The following TEX10 variants were observed in gnomAD, a reference collection of about 807,000 sequenced individuals.
The protein encoded by TEX10 is testis expressed 10, also known as testis-expressed protein 10.
A neutral mutation model predicts 104.4 loss-of-function variants in TEX10; 24 were observed. The ratio of observed to expected loss-of-function variants is 0.23; its 90% CI spans 0.17 to 0.32. The LOEUF (loss-of-function observed/expected upper bound fraction) is 0.32. Ranked by LOEUF, TEX10 falls within the 10% of genes least tolerant of loss-of-function variation. The probability of loss-of-function intolerance (pLI) is 1.00; values close to 1 mark genes in which losing one functional copy is unlikely to be tolerated. For missense variants in TEX10, 921 were observed against 1,083.9 expected (o/e 0.85, Z 2.11); for synonymous variants, 396 against 393.4 (o/e 1.01, Z -0.08).
intron 4 of TEX10, among the ~76,000 whole-genome samples, chr9:100,341,633 G>A (rs1252962331): frequency 6.6e-6 from 1 of 151,880 alleles, no homozygotes; most frequent in Admixed American, 6.6e-5. Context: ...TCTTTTACTT[G>A]GATTACTGCA....
chr9:100,327,777 G>A lies in TEX10; in HGVS notation c.1801+10C>T. On this transcript the variant is annotated intron_variant, in intron 8 of 14. Transcript: ENST00000374902. Reference sequence around the variant, plus strand: ...TGACTACCCATACCATTAAACAAATGAACTCTTACCATAAATTCGGAGGGC... The same window carrying A: ...TGACTACCCATACCATTAAACAAATAAACTCTTACCATAAATTCGGAGGGC... 1 of 1,552,590 alleles carries A rather than the reference G, an allele frequency of 6.4e-7. No individual in the cohort carries two copies. The highest frequency in any genetic ancestry group is 1.2e-5 in the South Asian group (1 of 80,390).
At chr9:100,309,074 G>C (rs1393797587) in intron 12 of TEX10, among the ~76,000 whole-genome samples, 1 of 152,160 alleles carries the variant, frequency 6.6e-6, no homozygotes, top group Non-Finnish European at 1.5e-5. Context: ...TGGAAAACTT[G>C]CATGTGGCAC....
At chr9:100,339,760 A>C (rs1350114202) in intron 5 of TEX10, among the ~76,000 whole-genome samples, 2 of 152,084 alleles carry the variant, frequency 1.3e-5, no homozygotes, top group African/African-American at 2.4e-5. Flanking sequence ...CATTTTAAAT[A>C]ATTTCTAGGC....
chr9:100,310,237 A>G (rs1043808801), intron 12 of TEX10, 62 bp downstream of exon 12: 1 of 1,361,316 alleles, frequency 7.3e-7, no homozygotes, highest in African/African-American at 1.4e-5. Context: ...GCTGTGGAAA[A>G]CTCTATTCTA....
chr9:100,310,899 C>T (rs2118836838), intron 11 of TEX10, among the ~76,000 whole-genome samples: 1 of 152,160 alleles, frequency 6.6e-6, no homozygotes, highest in Admixed American at 6.5e-5. Context: ...TTGAGCTAGC[C>T]CCTATTAGAT....
chr9:100,342,069 C>T (rs1835187363), intron 4 of TEX10, among the ~76,000 whole-genome samples: 1 of 152,316 alleles, frequency 6.6e-6, no homozygotes, highest in Admixed American at 6.5e-5. Context: ...ACCTCATTTG[C>T]ACAGGCCTTC....
intron 1 of TEX10, among the ~76,000 whole-genome samples, chr9:100,351,798 CG>C (rs1355832376): frequency 2.0e-5 from 3 of 152,314 alleles, no homozygotes; most frequent in Middle Eastern, 3.4e-3. Flanking sequence ...CATTTTCATG[CG>C]AAGAACTCTC....
intron 5 of TEX10, among the ~76,000 whole-genome samples, chr9:100,333,739 T>C (rs550935999): frequency 6.7e-6 from 1 of 149,410 alleles, no homozygotes; most frequent in South Asian, 2.1e-4. Flanking sequence ...AAAGCTACAA[T>C]AAGCAAGATA....
intron 5 of TEX10, among the ~76,000 whole-genome samples, chr9:100,332,310 T>C (rs1834883257): frequency 6.6e-6 from 1 of 152,202 alleles, no homozygotes; most frequent in Admixed American, 6.5e-5. Flanking sequence ...AGGTAGAGCT[T>C]TGGAAAATTT....
chr9:100,322,738 C>T (rs1834600670), intron 9 of TEX10, among the ~76,000 whole-genome samples: 2 of 152,074 alleles, frequency 1.3e-5, no homozygotes, highest in African/African-American at 4.8e-5. Context: ...GCTTCAGCCT[C>T]CTGAGTAGCT....
chr9:100,321,785 A>T lies in TEX10; in HGVS notation c.1980-14T>A, dbSNP rs1464084262. 2 of 1,600,722 alleles carry T rather than the reference A, an allele frequency of 1.2e-6. No homozygotes were observed. ...GAAAATGATGATCTATAAAAAACAA[A>T]GGGAGAACTATTACCAGAAGTGACC... On this transcript the variant is annotated splice_polypyrimidine_tract_variant and intron_variant, in intron 9 of 14. Coordinates refer to ENST00000374902, the MANE Select transcript of TEX10 (RefSeq NM_017746.4).
chr9:100,326,881 A>C (rs1834718537), intron 8 of TEX10, among the ~76,000 whole-genome samples: 1 of 152,176 alleles, frequency 6.6e-6, no homozygotes, highest in Non-Finnish European at 1.5e-5. Context: ...TATGACCAAT[A>C]TTGAAAAATA....
In TEX10 at chr9:100,327,901, C is replaced by A; in HGVS notation, c.1687G>T (p.Gly563Cys). Residue 563 changes from glycine (G) to cysteine (C), a missense_variant, in exon 8 of 15, where the codon GGC (glycine) becomes TGC (cysteine). This residue lies in a region of TEX10 where 753 missense variants were observed against 868.4 expected (regional missense o/e 0.87). Transcript: ENST00000374902. ...GTAGAGAGCTCAGGATTTCGGGAGCCAAGATGAGCAAGTTGCAATGGTAAG... is the reference window on the plus strand; with the variant it reads ...GTAGAGAGCTCAGGATTTCGGGAGCAAAGATGAGCAAGTTGCAATGGTAAG... Reference protein sequence around the residue: ...AGLPLQLAHLGSRNPELSTQL... With the variant: ...AGLPLQLAHLCSRNPELSTQL... 6.3e-7 allele frequency: 1 copy of A among 1,599,574 alleles called. No individual in the cohort carries two copies. Among genetic ancestry groups the A allele is most frequent in the Non-Finnish European group, 8.5e-7 (1 of 1,170,412 alleles).
chr9:100,352,367 G>C, intron 1 of TEX10: 3 of 1,550,906 alleles, frequency 1.9e-6, no homozygotes, highest in Non-Finnish European at 2.6e-6. Context: ...GGGGACGCCA[G>C]CTCATCCCCA....
At position 100,347,062 on chromosome 9, in the gene TEX10, A is replaced by C; in HGVS notation, c.525T>G (p.Ile175Met). 1 of 1,614,186 alleles carries C rather than the reference A, an allele frequency of 6.2e-7. No individual in the cohort carries two copies. The highest frequency in any genetic ancestry group is 8.5e-7 in the Non-Finnish European group (1 of 1,180,012). Reference sequence around the variant, plus strand: ...TAAGCAATATGCTGCTACGGCCAGTAATTAGAGCTGGGTACTGTTCCAGCA... The same window carrying C: ...TAAGCAATATGCTGCTACGGCCAGTCATTAGAGCTGGGTACTGTTCCAGCA... ...DILLEQYPALITGRSSILLKN... is the reference protein window; with the variant it reads ...DILLEQYPALMTGRSSILLKN... Residue 175 changes from isoleucine to methionine, a missense_variant, in exon 3 of 15, where the codon ATT becomes ATG. Around this residue, in one of 3 missense-constraint regions of TEX10, gnomAD observed 50 missense variants for 104.2 expected, o/e 0.48. Coordinates refer to ENST00000374902, the MANE Select transcript of TEX10 (RefSeq NM_017746.4).
chr9:100,323,526 C>T (rs1048770038), intron 9 of TEX10, among the ~76,000 whole-genome samples: 2 of 152,062 alleles, frequency 1.3e-5, no homozygotes, highest in African/African-American at 4.8e-5. Context: ...GAGAAAAGGC[C>T]ACTGGATATT....
chr9:100,346,822 T>C lies in TEX10; in HGVS notation c.765A>G (p.Lys255=), dbSNP rs565868903. Residue 255 remains lysine (K), a synonymous_variant, in exon 3 of 15, where the codon AAA becomes AAG. Transcript: ENST00000374902. The stretch of plus-strand genomic sequence containing the variant: ...AGTTGCTAGTGGCATGGGGATTTTC[T>C]TTCTGTTCCTGAAGTCCTTCACTTT... The part of the protein sequence containing the change: ...LRESEGLQEQ[K]ENPHATSNSI... 1.4e-5 allele frequency: 22 copies of C among 1,614,216 alleles called. No homozygotes were observed. In the East Asian group the frequency reaches 3.1e-4, roughly 23 times the overall value.
chr9:100,350,730 T>C (rs899690786), intron 1 of TEX10, among the ~76,000 whole-genome samples: 2 of 152,170 alleles, frequency 1.3e-5, no homozygotes, highest in African/African-American at 2.4e-5. Context: ...ACAATATTAA[T>C]AAAATGGCCA....
chr9:100,322,121 G>T (rs756799025), intron 9 of TEX10, among the ~76,000 whole-genome samples: 2 of 152,148 alleles, frequency 1.3e-5, no homozygotes, highest in Non-Finnish European at 2.9e-5. Context: ...TTTACTATTT[G>T]ATTTTTATAG....
Sources: allele counts gnomAD v4.1 joint callset (sites outside exome capture counted in the v4.1 genomes callset), GRCh38; gene constraint gnomAD v4.1.1; regional missense constraint gnomAD v4.1.1; transcripts MANE v1.5; gene names NCBI Gene and HGNC (gene_info 2026-07-23, HGNC 2026-07-21).